DNAJB6: variants seen among roughly 807,000 people sequenced by gnomAD.
The protein encoded by DNAJB6 is DnaJ heat shock protein family (Hsp40) member B6.
A neutral mutation model predicts 42.7 loss-of-function variants in DNAJB6; 16 were observed. That is an observed-to-expected ratio of 0.37 (90% CI 0.25 to 0.57). The LOEUF (loss-of-function observed/expected upper bound fraction) is 0.57. Ranked by LOEUF, DNAJB6 falls within the 20% of genes least tolerant of loss-of-function variation. The pLI is 0.74. For synonymous variants in DNAJB6, 170 were observed against 163.5 expected (o/e 1.04, Z -0.30); for missense variants, 347 against 416.8 (o/e 0.83, Z 1.46).
chr7:157,405,006 T>C (rs1334691101), intron 8 of DNAJB6, among the ~76,000 whole-genome samples: 2 of 151,744 alleles, frequency 1.3e-5, no homozygotes, highest in African/African-American at 4.8e-5. Context: ...GTCTGGGCCC[T>C]TCCCCGCATG....
chr7:157,404,915 A>T lies in DNAJB6; in HGVS notation c.692-4880A>T, dbSNP rs531968666. Among the ~76,000 whole-genome samples the T allele has an allele frequency of 2.6e-5, 4 of 152,316 alleles. No individual in the cohort carries two copies. In the South Asian group the frequency reaches 8.3e-4, roughly 32 times the overall value. ...CAGCCTCCCAAAGTGCTGGGATGAC[A>T]GGTGTGAGCCACTGTGCCAGCCTGT... On this transcript the variant is annotated intron_variant, in intron 8 of 9. Coordinates refer to ENST00000262177, the MANE Select transcript of DNAJB6 (RefSeq NM_058246.4).
chr7:157,417,311 G>A lies in DNAJB6; in HGVS notation c.*1213G>A, dbSNP rs1796125497. 1 of 152,304 alleles carries A rather than the reference G, an allele frequency of 6.6e-6. No homozygotes were observed. Among genetic ancestry groups the A allele is most frequent in the African/African-American group, 2.4e-5 (1 of 41,554 alleles). 9.4% of individuals were successfully genotyped at this position (152,304 alleles called of 1,614,324 possible). A position where few individuals can be genotyped will look rare whatever the true frequency, so the allele number is the denominator to read the frequency against. On this transcript the variant is annotated 3_prime_UTR_variant, in exon 10 of 10. Transcript: ENST00000262177. ...TTAACACAACTGTTGCCAAAGAGTTGGCTTTGTTTATTTGGTTTTGGCGGG... is the reference window on the plus strand; with the variant it reads ...TTAACACAACTGTTGCCAAAGAGTTAGCTTTGTTTATTTGGTTTTGGCGGG...
rs544011372 is a variant in DNAJB6 at position 157,343,347 on chromosome 7, A to G, written c.-27+6203A>G. Among the ~76,000 whole-genome samples, 666 of 152,084 alleles carry G rather than the reference A, an allele frequency of 4.4e-3. 8 individuals carry two copies. Among genetic ancestry groups the G allele is most frequent in the Non-Finnish European group, 6.2e-3 (422 of 67,968 alleles). On this transcript the variant is annotated intron_variant, in intron 1 of 9. Coordinates refer to ENST00000262177, the MANE Select transcript of DNAJB6 (RefSeq NM_058246.4). ...GCTAATTTTTGTATTTTTAGTAGAG[A>G]AAGGGGTTTGCCATGTTGGCCGGGC...
chr7:157,409,179 T>A (rs1795878415), intron 8 of DNAJB6, among the ~76,000 whole-genome samples: 1 of 152,240 alleles, frequency 6.6e-6, no homozygotes, highest in Admixed American at 6.5e-5. Context: ...TTTTTCTGTA[T>A]TTCAAAGATT....
At position 157,409,796 on chromosome 7, in the gene DNAJB6, T is replaced by TGTGGCCGACGACG; in HGVS notation, c.694_706dup (p.Asp236GlyfsTer9). 6.6e-7 allele frequency: 1 copy of TGTGGCCGACGACG among 1,525,874 alleles called. No homozygotes were observed. Among genetic ancestry groups the TGTGGCCGACGACG allele is most frequent in the South Asian group, 1.2e-5 (1 of 83,364 alleles). 94.5% of individuals were successfully genotyped at this position (1,525,874 alleles called of 1,614,324 possible). On this transcript the variant is annotated frameshift_variant and splice_region_variant, in exon 9 of 10. Transcript: ENST00000262177. LOFTEE classifies it high-confidence loss of function. ...CTCTCTCTCCCGCTGTGCCTGCAGG[T>TGTGGCCGACGACG]GTGGCCGACGACGATGCCCTCGCTG...
chr7:157,358,499 T>G, intron 1 of DNAJB6, 48 bp from the exon 2 acceptor site: 1 of 1,256,252 alleles, frequency 8.0e-7, no homozygotes, highest in Non-Finnish European at 1.2e-6. Flanking sequence ...CACCGTGATT[T>G]GCCCATCCCC....
intron 8 of DNAJB6, among the ~76,000 whole-genome samples, chr7:157,406,191 A>G (rs1047349327): frequency 1.3e-5 from 2 of 152,216 alleles, no homozygotes; most frequent in African/African-American, 4.8e-5. Context: ...CTCCCTGTCC[A>G]TGCCGGCAGT....
At chr7:157,353,834 AT>A (rs61051299) in intron 1 of DNAJB6, among the ~76,000 whole-genome samples, 57 of 149,588 alleles carry the variant, frequency 3.8e-4, no homozygotes, top group Admixed American at 1.7e-3. Flanking sequence ...AGCTACTTAA[AT>A]TTTTTTTTTG....
intron 1 of DNAJB6, among the ~76,000 whole-genome samples, chr7:157,348,540 C>T (rs1798804658): frequency 6.6e-6 from 1 of 152,172 alleles, no homozygotes; most frequent in African/African-American, 2.4e-5. Context: ...GCTCTCCTGT[C>T]TGCGCTTGGT....
chr7:157,407,874 C>A (rs1209297901), intron 8 of DNAJB6, among the ~76,000 whole-genome samples: 4 of 152,186 alleles, frequency 2.6e-5, no homozygotes, highest in Admixed American at 2.6e-4. Context: ...TCCCAGAGCC[C>A]TCCTCGCTCC....
intron 5 of DNAJB6, among the ~76,000 whole-genome samples, chr7:157,372,757 A>G (rs750874097): frequency 6.6e-6 from 1 of 152,062 alleles, no homozygotes; most frequent in Non-Finnish European, 1.5e-5. Flanking sequence ...AAAATGTACC[A>G]TCTCCCAGTC....
rs113252896 is a variant in DNAJB6 at position 157,358,025 on chromosome 7, G to C, written c.-26-522G>C. ...TCTTTCTCTCTTGGGAGATGTGTGGGAGGGCTTTTGCTGTTCCCTCGTGTG... is the reference window on the plus strand; with the variant it reads ...TCTTTCTCTCTTGGGAGATGTGTGGCAGGGCTTTTGCTGTTCCCTCGTGTG... On this transcript the variant is annotated intron_variant, in intron 1 of 9. Coordinates refer to ENST00000262177, the MANE Select transcript of DNAJB6 (RefSeq NM_058246.4). Among the ~76,000 whole-genome samples, 192 of 152,312 alleles carry C rather than the reference G, an allele frequency of 1.3e-3. 1 individual carries two copies. Among genetic ancestry groups the C allele is most frequent in the African/African-American group, 4.4e-3 (182 of 41,572 alleles).
intron 8 of DNAJB6, among the ~76,000 whole-genome samples, chr7:157,393,468 A>G (rs1052182344): frequency 1.3e-5 from 2 of 152,124 alleles, no homozygotes; most frequent in Admixed American, 6.6e-5. Flanking sequence ...TTATGTCCCA[A>G]AATTCCTCTA....
chr7:157,413,944 ACT>A (rs1796042206), intron 9 of DNAJB6: 1 of 150,730 alleles, frequency 6.6e-6, no homozygotes, highest in South Asian at 2.1e-4. Context: ...CTGCTCTCGA[ACT>A]CCTGACCTCA....
chr7:157,376,688 C>G (rs753716863), intron 5 of DNAJB6, among the ~76,000 whole-genome samples: 1 of 152,060 alleles, frequency 6.6e-6, no homozygotes, highest in African/African-American at 2.4e-5. Flanking sequence ...CCAGACCAGC[C>G]TGGCCAACAT....
intron 2 of DNAJB6, among the ~76,000 whole-genome samples, chr7:157,361,160 CG>C (rs772252990): frequency 2.9e-5 from 4 of 135,814 alleles, no homozygotes; most frequent in African/African-American, 5.5e-5. Context: ...CACTGCTACA[CG>C]TTTTTTTTTT....
rs769817853 is a variant in DNAJB6 at position 157,363,856 on chromosome 7, G to A, written c.175+586G>A. The stretch of plus-strand genomic sequence containing the variant: ...GGTGAGGGGTCAGAGGTCAGCTGTC[G>A]CCTAGATGCAGTCAGGGTTCCATGG... On this transcript the variant is annotated intron_variant, in intron 3 of 9. Coordinates refer to ENST00000262177, the MANE Select transcript of DNAJB6 (RefSeq NM_058246.4). Among the ~76,000 whole-genome samples, 7 of 152,230 alleles carry A rather than the reference G, an allele frequency of 4.6e-5. No homozygotes were observed. The East Asian group carries it at 9.7e-4, about 21-fold the overall frequency.
intron 6 of DNAJB6, among the ~76,000 whole-genome samples, chr7:157,383,721 G>A (rs986513693): frequency 2.6e-5 from 4 of 152,010 alleles, no homozygotes; most frequent in Admixed American, 1.3e-4. Flanking sequence ...AGGCTTAATT[G>A]AGACCAGTGC....
intron 6 of DNAJB6, among the ~76,000 whole-genome samples, chr7:157,384,626 G>T (rs934575257): frequency 6.6e-6 from 1 of 152,234 alleles, no homozygotes; most frequent in Non-Finnish European, 1.5e-5. Flanking sequence ...CATGAGGAGA[G>T]GGGGAGGGGA....
Sources: gnomAD v4.1 joint callset for allele counts (sites outside exome capture counted in the v4.1 genomes callset) on GRCh38, gnomAD v4.1.1 for gene constraint, MANE v1.5 for transcripts, NCBI Gene and HGNC (gene_info 2026-07-23, HGNC 2026-07-21) for gene names.